EVI5L: variants seen among roughly 807,000 people sequenced by gnomAD.
EVI5L encodes the protein ecotropic viral integration site 5 like, also known as EVI5-like protein.
A neutral mutation model predicts 106.1 loss-of-function variants in EVI5L; 30 were observed. The observed-to-expected ratio is 0.28, with a 90% CI of 0.21 to 0.38. The LOEUF (loss-of-function observed/expected upper bound fraction) is 0.38, where lower values mean the gene tolerates loss of function less well. Ranked by LOEUF, EVI5L falls within the 10% of genes least tolerant of loss-of-function variation. EVI5L has a pLI of 1.00. For synonymous variants in EVI5L, 489 were observed against 483.3 expected, an observed-to-expected ratio of 1.01 and a Z score of -0.15; for missense variants, 809 against 1,098.0, an observed-to-expected ratio of 0.74 and a Z score of 3.72.
Position 7,850,206 on chromosome 19 carries a change from G to C in EVI5L, c.753+84G>C. The C allele has an allele frequency of 6.6e-7, 1 of 1,511,284 alleles. No individual in the cohort carries two copies. Among genetic ancestry groups the C allele is most frequent in the Admixed American group, 2.0e-5 (1 of 49,678 alleles). The allele number at this position is 1,511,284 out of a possible 1,614,324, so 93.6% of individuals were successfully genotyped here. A position where few individuals can be genotyped will look rare whatever the true frequency, so the allele number is the denominator to read the frequency against. On this transcript the variant is annotated intron_variant, in intron 6 of 19. Coordinates refer to ENST00000538904, the MANE Select transcript of EVI5L (RefSeq NM_001159944.3). This position sits in a 1 kb window ranked among gnomAD's most constrained non-coding sequence, Gnocchi z 5.4. ...CCGCAAGGGAGCAGGATCGCAGAAG[G>C]GCAGGGCTGGCACCCTAGACCATAC... is the stretch of plus-strand genomic sequence containing the variant.
In EVI5L at chr19:7,846,713, T is replaced by A. The variant is rs1476962033; in HGVS notation, c.137+34T>A. The A allele has an allele frequency of 3.1e-6, 5 of 1,603,488 alleles. No individual in the cohort carries two copies. In the South Asian group the frequency reaches 5.5e-5, roughly 18 times the overall value. ...GGGGCTGGGGGATGGGGTGAAATCT[T>A]GGGGTGCAGTCTGGGCCCCCACAGG... On this transcript the variant is annotated intron_variant, in intron 2 of 19. Transcript: ENST00000538904.
At chr19:7,849,437 AG>A (rs1220916793) in intron 5 of EVI5L, 107 bp downstream of exon 5, 3 of 1,224,632 alleles carry the variant, frequency 2.4e-6, no homozygotes, top group Non-Finnish European at 3.4e-6. Context: ...GCGTCTTGCT[AG>A]GGGTAGATCC....
intron 10 of EVI5L, 199 bp downstream of exon 10, chr19:7,853,532 C>A: frequency 1.5e-6 from 1 of 680,972 alleles, no homozygotes; most frequent in Non-Finnish European, 2.4e-6. Flanking sequence ...CCGCCTGACG[C>A]CGCGGTAACC....
At chr19:7,843,972 G>C (rs185191264) in intron 1 of EVI5L, among the ~76,000 whole-genome samples, 5 of 152,136 alleles carry the variant, frequency 3.3e-5, no homozygotes, top group African/African-American at 1.2e-4. Flanking sequence ...TTCACTTCCT[G>C]TATGAAATAC....
chr19:7,834,815 C>A (rs970961678), intron 1 of EVI5L, among the ~76,000 whole-genome samples: 5 of 152,128 alleles, frequency 3.3e-5, no homozygotes, highest in African/African-American at 1.2e-4. Flanking sequence ...CTGTCATTAG[C>A]CCTGTTTTCA....
chr19:7,863,300 C>A lies in EVI5L; in HGVS notation c.2139+20C>A. ...GCCGAGGTGAGCCGGCGCGGGGATGCCGGGGACAGGCCTGGGTGTCGTCGG... is the reference window on the plus strand; with the variant it reads ...GCCGAGGTGAGCCGGCGCGGGGATGACGGGGACAGGCCTGGGTGTCGTCGG... On this transcript the variant is annotated intron_variant, in intron 19 of 19. Transcript: ENST00000538904. The surrounding 1 kb of genome is among the most constrained non-coding windows in gnomAD (Gnocchi z 7.7). 2 of 1,550,944 alleles carry A rather than the reference C, an allele frequency of 1.3e-6. No individual in the cohort carries two copies. The highest frequency in any genetic ancestry group is 1.7e-6 in the Non-Finnish European group (2 of 1,147,288).
intron 1 of EVI5L, among the ~76,000 whole-genome samples, chr19:7,842,245 T>G (rs551201518): frequency 2.4e-4 from 36 of 151,170 alleles, no homozygotes; most frequent in Admixed American, 1.1e-3. Context: ...TGTGTGTGCA[T>G]CAAGTGTGTG....
intron 17 of EVI5L, among the ~76,000 whole-genome samples, chr19:7,862,738 C>CCG (rs1979892803): frequency 1.3e-5 from 1 of 79,530 alleles, no homozygotes. Context: ...CGCCTCCTGA[C>CCG]CACCCCCCCC....
rs575003766 is a variant in EVI5L at position 7,857,468 on chromosome 19, C to T, written c.1233+344C>T. Reference sequence around the variant, plus strand: ...TAAGGCCCTGGTGTGTGCAGTGCTGCGGTCACACACACACACAACACATGC... The same window carrying T: ...TAAGGCCCTGGTGTGTGCAGTGCTGTGGTCACACACACACACAACACATGC... On this transcript the variant is annotated intron_variant, in intron 12 of 19. Transcript: ENST00000538904. This position sits in a 1 kb window ranked among gnomAD's most constrained non-coding sequence, Gnocchi z 4.5. The T allele has an allele frequency of 2.5e-5, 12 of 482,834 alleles. No individual in the cohort carries two copies. Among genetic ancestry groups the T allele is most frequent in the Admixed American group, 6.8e-5 (2 of 29,598 alleles). 29.9% of individuals were successfully genotyped at this position (482,834 alleles called of 1,614,324 possible).
rs1474211195 is a variant in EVI5L at position 7,848,113 on chromosome 19, G to C, written c.327+192G>C. On this transcript the variant is annotated intron_variant, in intron 3 of 19. Coordinates refer to ENST00000538904, the MANE Select transcript of EVI5L (RefSeq NM_001159944.3). The surrounding 1 kb of genome is among the most constrained non-coding windows in gnomAD (Gnocchi z 4.8). ...GAGAGAGTGAGTCAGGGTGGTGCTG[G>C]ACAGGCCCTGCACCCTCGAGTGCCC... 5.3e-5 allele frequency among the ~76,000 whole-genome samples: 8 copies of C among 152,134 alleles called. No homozygotes were observed. Among genetic ancestry groups the C allele is most frequent in the Non-Finnish European group, 1.0e-4 (7 of 68,026 alleles).
intron 17 of EVI5L, 128 bp downstream of exon 17, chr19:7,862,662 C>A (rs1298481527): frequency 1.3e-5 from 11 of 821,080 alleles, no homozygotes; most frequent in Non-Finnish European, 1.7e-5. Flanking sequence ...GCGGTCCTCC[C>A]GCCCCCGCCC....
intron 1 of EVI5L, among the ~76,000 whole-genome samples, chr19:7,836,343 G>A (rs998548578): frequency 1.3e-5 from 2 of 152,228 alleles, no homozygotes; most frequent in African/African-American, 2.4e-5. Flanking sequence ...CAGACTGAAA[G>A]ATGCATCATA....
At chr19:7,844,134 C>T (rs183993326) in intron 1 of EVI5L, among the ~76,000 whole-genome samples, 33 of 151,652 alleles carry the variant, frequency 2.2e-4, no homozygotes, top group African/African-American at 6.8e-4. Context: ...AGATGGATTC[C>T]GAGGTCAGGA....
At chr19:7,846,428 C>G in intron 1 of EVI5L, 68 bp from the exon 2 acceptor site, 2 of 1,401,776 alleles carry the variant, frequency 1.4e-6, no homozygotes, top group South Asian at 2.8e-5. Context: ...GGAAATGTCC[C>G]GAGGGTGGGC....
At chr19:7,860,216 G>A (rs748246047) in intron 13 of EVI5L, among the ~76,000 whole-genome samples, 4 of 152,070 alleles carry the variant, frequency 2.6e-5, no homozygotes, top group Non-Finnish European at 5.9e-5. Flanking sequence ...CCACCATGTG[G>A]CTGGAACGGT....
Position 7,856,005 on chromosome 19 carries a change from AC to A in EVI5L, c.1147-5del. On this transcript the variant is annotated splice_polypyrimidine_tract_variant and intron_variant, in intron 10 of 19. Coordinates refer to ENST00000538904, the MANE Select transcript of EVI5L (RefSeq NM_001159944.3). The surrounding 1 kb of genome is among the most constrained non-coding windows in gnomAD (Gnocchi z 6.6). Reference sequence around the variant, plus strand: ...GCGGGCTATGACGTGATCTCCCCCCACCCCCATAGAGACTTCGGACGGAGAA... The same window carrying A: ...GCGGGCTATGACGTGATCTCCCCCCACCCCATAGAGACTTCGGACGGAGAA... 1 of 1,325,124 alleles carries A rather than the reference AC, an allele frequency of 7.5e-7. No homozygotes were observed. Among genetic ancestry groups the A allele is most frequent in the South Asian group, 2.8e-5 (1 of 36,340 alleles). 82.1% of individuals were successfully genotyped at this position (1,325,124 alleles called of 1,614,324 possible).
At chr19:7,840,344 G>A (rs367896893) in intron 1 of EVI5L, among the ~76,000 whole-genome samples, 9 of 152,160 alleles carry the variant, frequency 5.9e-5, no homozygotes, top group African/African-American at 1.9e-4. Flanking sequence ...CAGGCATGGC[G>A]GCACATGCCT....
rs933298895 is a variant in EVI5L, at chr19:7,857,298, G to T, written c.1233+174G>T. 4.7e-5 allele frequency: 39 copies of T among 821,108 alleles called. No individual in the cohort carries two copies. Among genetic ancestry groups the T allele is most frequent in the African/African-American group, 1.4e-4 (8 of 59,196 alleles). The allele number at this position is 821,108 out of a possible 1,614,324, so 50.9% of individuals were successfully genotyped here. On this transcript the variant is annotated intron_variant, in intron 12 of 19. Transcript: ENST00000538904. This position sits in a 1 kb window ranked among gnomAD's most constrained non-coding sequence, Gnocchi z 4.5. ...CACAGAGGCTTCCCGGGGGGGCGGG[G>T]CATGTGAAGTGGGGAGAAGGGTGTG...
chr19:7,833,486 G>A (rs185999262), intron 1 of EVI5L, among the ~76,000 whole-genome samples: 133 of 152,370 alleles, frequency 8.7e-4, no homozygotes, highest in African/African-American at 3.1e-3. Flanking sequence ...ACAGAATTAT[G>A]TACAGCAGGC....
Sources: gnomAD v4.1 joint callset for allele counts (sites outside exome capture counted in the v4.1 genomes callset) on GRCh38, gnomAD v4.1.1 for gene constraint, Gnocchi (gnomAD v3.1) non-coding constraint, MANE v1.5 for transcripts, NCBI Gene and HGNC (gene_info 2026-07-23, HGNC 2026-07-21) for gene names.